The following USH2A variants were observed in gnomAD, a reference collection of about 807,000 sequenced individuals.
USH2A encodes the protein Usher syndrome 2A (autosomal recessive, mild).
USH2A carries 443 observed loss-of-function variants against 538.9 expected under a neutral mutation model. The ratio of observed to expected loss-of-function variants is 0.82; its 90% confidence interval spans 0.76 to 0.89. The LOEUF (loss-of-function observed/expected upper bound fraction) is 0.89, where lower values mean the gene tolerates loss of function less well. Ranked by LOEUF, USH2A falls within the 40% of genes least tolerant of loss-of-function variation. USH2A has a pLI of 0.00. For synonymous variants in USH2A, 2,413 were observed against 2,273.5 expected (o/e 1.06, Z -1.75); for missense variants, 6,633 against 6,324.8 (o/e 1.05, Z -1.65).
At chr1:215,893,256 T>C (rs749359278) in intron 40 of USH2A, among the ~76,000 whole-genome samples, 17 of 152,256 alleles carry the variant, frequency 1.1e-4, no homozygotes, top group African/African-American at 3.4e-4. Context: ...GCAGGTGCTA[T>C]AGAAAATGCT....
chr1:216,137,964 AACG>A (rs1160871626), intron 21 of USH2A, among the ~76,000 whole-genome samples: 9 of 152,294 alleles, frequency 5.9e-5, no homozygotes, highest in African/African-American at 1.9e-4. Flanking sequence ...AATTTAAAAA[AACG>A]ACAAGATGAA....
rs1241762554 is a variant in USH2A at position 215,674,883 on chromosome 1, G to A, written c.13028C>T (p.Thr4343Ile). The A allele has an allele frequency of 1.9e-6, 3 of 1,614,206 alleles. No homozygotes were observed. Among genetic ancestry groups the A allele is most frequent in the Non-Finnish European group, 2.5e-6 (3 of 1,180,042 alleles). The change falls in exon 63 of 72, where the codon ACC (threonine) becomes ATC (isoleucine). Residue 4343 changes from threonine (T) to isoleucine (I), a missense_variant. Transcript: ENST00000307340. Reference sequence around the variant, plus strand: ...AGTTGTGATGCTGGTGGGTTTGCTGGTGGAGCATCCTCCACTCGTGCAGGC... The same window carrying A: ...AGTTGTGATGCTGGTGGGTTTGCTGATGGAGCATCCTCCACTCGTGCAGGC... ...LQACTSGGCS[T>I]SKPTSITTLE...
intron 4 of USH2A, among the ~76,000 whole-genome samples, chr1:216,357,039 T>G (rs775569757): frequency 2.0e-5 from 3 of 152,128 alleles, no homozygotes; most frequent in Non-Finnish European, 4.4e-5. Flanking sequence ...CTGGACATGG[T>G]ATCGTGCTAA....
chr1:216,155,209 A>G (rs2033913628), intron 21 of USH2A, among the ~76,000 whole-genome samples: 1 of 152,042 alleles, frequency 6.6e-6, no homozygotes, highest in African/African-American at 2.4e-5. Flanking sequence ...CCTCCCTAAA[A>G]CTAACCTCCT....
intron 9 of USH2A, among the ~76,000 whole-genome samples, chr1:216,315,488 G>C (rs1471920089): frequency 6.6e-6 from 1 of 152,144 alleles, no homozygotes; most frequent in South Asian, 2.1e-4. Flanking sequence ...ATAAGAGAAC[G>C]TTTGGGAGAG....
At chr1:216,388,955 G>GA (rs2039053033) in intron 3 of USH2A, among the ~76,000 whole-genome samples, 1 of 152,044 alleles carries the variant, frequency 6.6e-6, no homozygotes, top group African/African-American at 2.4e-5. Context: ...AACCTTATAT[G>GA]ACAAATTTTC....
chr1:216,134,764 A>C (rs1339261823), intron 21 of USH2A, among the ~76,000 whole-genome samples: 1 of 152,120 alleles, frequency 6.6e-6, no homozygotes, highest in Non-Finnish European at 1.5e-5. Context: ...GAAATAGCCA[A>C]ATATGTCCAG....
At chr1:215,936,393 G>T (rs1666498120) in intron 37 of USH2A, among the ~76,000 whole-genome samples, 1 of 151,974 alleles carries the variant, frequency 6.6e-6, no homozygotes, top group Non-Finnish European at 1.5e-5. Flanking sequence ...ACATAAATTT[G>T]GTTGTCAAAA....
intron 21 of USH2A, among the ~76,000 whole-genome samples, chr1:216,119,802 G>A (rs908013692): frequency 7.9e-5 from 12 of 152,024 alleles, no homozygotes; most frequent in African/African-American, 2.7e-4. Flanking sequence ...CCATCTGTTG[G>A]TAGCAGGCAA....
chr1:215,968,442 A>G (rs1034864889), intron 36 of USH2A, among the ~76,000 whole-genome samples: 1 of 152,104 alleles, frequency 6.6e-6, no homozygotes, highest in Non-Finnish European at 1.5e-5. Context: ...AACTGGTCAG[A>G]TTAGAAAAAA....
chr1:216,089,518 C>T (rs756110184), intron 22 of USH2A, among the ~76,000 whole-genome samples: 5 of 151,994 alleles, frequency 3.3e-5, no homozygotes, highest in Admixed American at 6.6e-5. Context: ...AAATTTAAAA[C>T]TCATAAAATA....
chr1:216,257,205 T>C (rs973570874), intron 11 of USH2A, among the ~76,000 whole-genome samples: 1 of 151,994 alleles, frequency 6.6e-6, no homozygotes, highest in African/African-American at 2.4e-5. Context: ...TAATGTGTCT[T>C]ATAGTATAGG....
chr1:215,625,838 G>A lies in USH2A; in HGVS notation c.15552C>T (p.Ile5184=). The change falls in exon 72 of 72, where the codon ATC becomes ATT. Residue 5184 remains isoleucine (I), a synonymous_variant. Transcript: ENST00000307340. ...CCTTAGTCACTGAGCTGAAATCCTTGATGGCGTTCATCAGGTCCTCTTCAT... is the reference window on the plus strand; with the variant it reads ...CCTTAGTCACTGAGCTGAAATCCTTAATGGCGTTCATCAGGTCCTCTTCAT... ...YVDEEDLMNA[I]KDFSSVTKER... 4.3e-6 allele frequency: 7 copies of A among 1,614,046 alleles called. No homozygotes were observed. Among genetic ancestry groups the A allele is most frequent in the Non-Finnish European group, 5.9e-6 (7 of 1,179,980 alleles).
chr1:216,330,351 A>G (rs2037834619), intron 4 of USH2A, among the ~76,000 whole-genome samples: 1 of 152,136 alleles, frequency 6.6e-6, no homozygotes, highest in Non-Finnish European at 1.5e-5. Flanking sequence ...GAAGGATTAG[A>G]GCAGGTTGGA....
rs1665120163 is a variant in USH2A, at chr1:215,888,410, A to T, written c.8223+16T>A. The T allele has an allele frequency of 6.2e-7, 1 of 1,612,136 alleles. No homozygotes were observed. Among genetic ancestry groups the T allele is most frequent in the African/African-American group, 1.3e-5 (1 of 74,890 alleles). On this transcript the variant is annotated intron_variant, in intron 41 of 71. Transcript: ENST00000307340. The stretch of plus-strand genomic sequence containing the variant: ...TTCCTAAGTCTGCAAAGGAGAGAGA[A>T]TAGTCAGTATCTTACCTGGACTGCA...
At chr1:215,833,563 T>G (rs1663390642) in intron 47 of USH2A, among the ~76,000 whole-genome samples, 2 of 151,916 alleles carry the variant, frequency 1.3e-5, no homozygotes, top group South Asian at 4.1e-4. Context: ...ATCATAGACA[T>G]AAATTCAACA....
chr1:215,699,390 T>G (rs1194798398), intron 61 of USH2A, among the ~76,000 whole-genome samples: 3 of 152,208 alleles, frequency 2.0e-5, no homozygotes, highest in African/African-American at 7.2e-5. Flanking sequence ...TAGCATTGAA[T>G]CTATAAATTA....
At chr1:216,051,217 C>T (rs888414037) in intron 30 of USH2A, among the ~76,000 whole-genome samples, 1 of 152,162 alleles carries the variant, frequency 6.6e-6, no homozygotes, top group Non-Finnish European at 1.5e-5. Flanking sequence ...TCACATCTCT[C>T]CCAAGCCCTG....
At chr1:215,855,838 A>G (rs7527100) in intron 44 of USH2A, among the ~76,000 whole-genome samples, 3 of 152,242 alleles carry the variant, frequency 2.0e-5, no homozygotes, top group African/African-American at 4.8e-5. Flanking sequence ...AAAAATAGGC[A>G]TATAGACCAA....
Sources: gnomAD v4.1 joint callset for allele counts (sites outside exome capture counted in the v4.1 genomes callset) on GRCh38, gnomAD v4.1.1 for gene constraint, MANE v1.5 for transcripts, NCBI Gene and HGNC (gene_info 2026-07-23, HGNC 2026-07-21) for gene names.